The following METAP1D variants were observed in gnomAD, a reference collection of about 807,000 sequenced individuals.
The protein encoded by METAP1D is methionyl aminopeptidase type 1D, mitochondrial.
METAP1D carries 31 observed loss-of-function variants against 40.5 expected under a neutral mutation model. That is an observed-to-expected ratio of 0.77 (90% confidence interval 0.58 to 1.03). The LOEUF is 1.03. Among genes scored for constraint, METAP1D ranks in the 50% least tolerant of loss-of-function variants. The pLI, the probability that METAP1D is intolerant of heterozygous loss-of-function variation, is 0.00. For synonymous variants in METAP1D, 151 were observed against 146.4 expected (o/e 1.03, Z -0.22); for missense variants, 411 against 420.7 (o/e 0.98, Z 0.20).
At chr2:172,038,597 A>G (rs1198404908) in intron 1 of METAP1D, among the ~76,000 whole-genome samples, 5 of 152,250 alleles carry the variant, frequency 3.3e-5, no homozygotes, top group African/African-American at 9.6e-5. Flanking sequence ...CATTTGTTAC[A>G]TATGGGTTTT....
rs149133379 is a variant in METAP1D, at chr2:172,030,003, G to A, written c.40+29994G>A. Among the ~76,000 whole-genome samples, 24 of 152,136 alleles carry A rather than the reference G, an allele frequency of 1.6e-4. No individual in the cohort carries two copies. The East Asian group carries it at 3.7e-3, about 23-fold the overall frequency. ...ACTCCTGACTTCAAGTGATCCACCC[G>A]CCTGGGCCTCCCAAGGTGCTGGGAT... is the stretch of plus-strand genomic sequence containing the variant. On this transcript the variant is annotated intron_variant, in intron 1 of 9. Transcript: ENST00000315796.
In METAP1D at chr2:172,061,391, A is replaced by G. The variant is rs962987478; in HGVS notation, c.41-107A>G. 3 of 970,206 alleles carry G rather than the reference A, an allele frequency of 3.1e-6. No homozygotes were observed. The African/African-American group carries it at 4.9e-5, about 16-fold the overall frequency. 60.1% of individuals were successfully genotyped at this position (970,206 alleles called of 1,614,324 possible). Reference sequence around the variant, plus strand: ...ATTTGGGGCTTTTCCTTTTTCAGTCAATAAGGTATTAGAATAATGATTTAA... The same window carrying G: ...ATTTGGGGCTTTTCCTTTTTCAGTCGATAAGGTATTAGAATAATGATTTAA... On this transcript the variant is annotated intron_variant, in intron 1 of 9. Transcript: ENST00000315796.
intron 1 of METAP1D, among the ~76,000 whole-genome samples, chr2:172,015,772 C>G (rs1017244336): frequency 2.6e-5 from 4 of 152,026 alleles, no homozygotes; most frequent in African/African-American, 9.7e-5. Flanking sequence ...CTAGCCTGGG[C>G]AACATAGTGA....
At chr2:172,064,821 T>C (rs1270233638) in intron 3 of METAP1D, among the ~76,000 whole-genome samples, 2 of 152,078 alleles carry the variant, frequency 1.3e-5, no homozygotes, top group Non-Finnish European at 2.9e-5. Flanking sequence ...CTAAACATAA[T>C]GTATATATAC....
At position 172,081,673 on chromosome 2, in the gene METAP1D, A is replaced by C. The variant is rs891662311; in HGVS notation, c.*1267A>C. ...GCCTTCGGTTATGATTTTAGGAACAAGTCCAACGAGGGTGTTCAAGCAGTT... is the reference window on the plus strand; with the variant it reads ...GCCTTCGGTTATGATTTTAGGAACACGTCCAACGAGGGTGTTCAAGCAGTT... On this transcript the variant is annotated 3_prime_UTR_variant, in exon 10 of 10. Coordinates refer to ENST00000315796, the MANE Select transcript of METAP1D (RefSeq NM_199227.3). 3.3e-5 allele frequency: 5 copies of C among 152,296 alleles called. No individual in the cohort carries two copies. Among genetic ancestry groups the C allele is most frequent in the African/African-American group, 1.2e-4 (5 of 41,472 alleles). The allele number at this position is 152,296 out of a possible 1,614,324, so 9.4% of individuals were successfully genotyped here.
At chr2:172,077,915 G>A in intron 7 of METAP1D, 21 bp downstream of exon 7, 1 of 1,377,712 alleles carries the variant, frequency 7.3e-7, no homozygotes, top group South Asian at 1.2e-5. Context: ...TCATTTGGAG[G>A]CTGTTTCTTG....
At chr2:172,078,855 G>C (rs146377226) in intron 7 of METAP1D, among the ~76,000 whole-genome samples, 576 of 152,258 alleles carry the variant, frequency 3.8e-3, no homozygotes, top group Non-Finnish European at 6.1e-3. Context: ...TTGAGTGAGG[G>C]GTGTGGGCAA....
chr2:172,061,234 T>A (rs897333048), intron 1 of METAP1D, among the ~76,000 whole-genome samples: 5 of 152,202 alleles, frequency 3.3e-5, no homozygotes, highest in African/African-American at 1.2e-4. Context: ...GCTTAGCAGA[T>A]GTTTCTATAT....
At chr2:172,000,039 G>T (rs752345857) in intron 1 of METAP1D, 30 bp downstream of exon 1, 5 of 1,282,098 alleles carry the variant, frequency 3.9e-6, no homozygotes, top group Non-Finnish European at 5.0e-6. Flanking sequence ...CCCCGTGAGG[G>T]TTCGCACGGT....
At chr2:172,050,784 T>C (rs1689868800) in intron 1 of METAP1D, among the ~76,000 whole-genome samples, 1 of 152,226 alleles carries the variant, frequency 6.6e-6, no homozygotes, top group African/African-American at 2.4e-5. Flanking sequence ...TTATTCTGTG[T>C]TTAAATGATA....
At chr2:172,061,764 T>G (rs1019595602) in intron 2 of METAP1D, 109 bp downstream of exon 2, 1 of 968,134 alleles carries the variant, frequency 1.0e-6, no homozygotes, top group Non-Finnish European at 1.5e-6. Context: ...TGGGTTTTAA[T>G]TTTCAAACTA....
Position 172,042,963 on chromosome 2 carries a change from A to G in METAP1D, c.41-18535A>G, listed in dbSNP as rs146499154. 5.6e-3 allele frequency among the ~76,000 whole-genome samples: 719 copies of G among 127,494 alleles called. 162 individuals carry two copies. The highest frequency in any genetic ancestry group is 9.4e-3 in the Non-Finnish European group (513 of 54,750). The allele number at this position is 127,494 out of a possible 152,430, so 83.6% of individuals were successfully genotyped here. ...CACGTATGCGTACCTGTGTATATAT[A>G]TGCGTACATGTGCATACATATGTGT... is the stretch of plus-strand genomic sequence containing the variant. On this transcript the variant is annotated intron_variant, in intron 1 of 9. Coordinates refer to ENST00000315796, the MANE Select transcript of METAP1D (RefSeq NM_199227.3).
chr2:172,044,623 G>A (rs11885320), intron 1 of METAP1D, among the ~76,000 whole-genome samples: 79,241 of 130,626 alleles, frequency 0.61, 30,046 homozygotes, highest in African/African-American at 0.65. Flanking sequence ...GTCAGGTGAA[G>A]AGGCTGGGCG....
At chr2:172,016,301 ATAT>A (rs1282079231) in intron 1 of METAP1D, among the ~76,000 whole-genome samples, 56 of 33,982 alleles carry the variant, frequency 1.6e-3, no homozygotes, top group Non-Finnish European at 2.1e-3. Context: ...AAAAAAAAAA[ATAT>A]ATATATATAT....
chr2:172,080,812 A>G lies in METAP1D; in HGVS notation c.*406A>G, dbSNP rs898930556. The stretch of plus-strand genomic sequence containing the variant: ...CTCTGACAGTTACAGTGATCTTTGT[A>G]TCTGAACTTTGCACGTCTGCCGAAA... On this transcript the variant is annotated 3_prime_UTR_variant, in exon 10 of 10. Coordinates refer to ENST00000315796, the MANE Select transcript of METAP1D (RefSeq NM_199227.3). The G allele has an allele frequency of 1.3e-5, 3 of 229,082 alleles. No individual in the cohort carries two copies. The highest frequency in any genetic ancestry group is 5.2e-5 in the Admixed American group (1 of 19,324). The allele number at this position is 229,082 out of a possible 1,614,324, so 14.2% of individuals were successfully genotyped here.
chr2:172,035,319 C>T lies in METAP1D; in HGVS notation c.41-26179C>T, dbSNP rs1229107509. ...AGCTGGGACTGCAGGCGCCGGCCAC[C>T]ACGCCCGGCTAACTTTTTGTATTTT... On this transcript the variant is annotated intron_variant, in intron 1 of 9. Transcript: ENST00000315796. 5.3e-5 allele frequency among the ~76,000 whole-genome samples: 8 copies of T among 152,266 alleles called. No individual in the cohort carries two copies. In the East Asian group the frequency reaches 1.2e-3, roughly 22 times the overall value.
At chr2:172,028,752 T>C (rs983805239) in intron 1 of METAP1D, among the ~76,000 whole-genome samples, 3 of 152,186 alleles carry the variant, frequency 2.0e-5, no homozygotes, top group Non-Finnish European at 4.4e-5. Flanking sequence ...GAAGCTGTGA[T>C]GGAAAATTAG....
intron 3 of METAP1D, among the ~76,000 whole-genome samples, 177 bp from the exon 4 acceptor site, chr2:172,065,427 C>T (rs1690249353): frequency 6.6e-6 from 1 of 152,144 alleles, no homozygotes; most frequent in Non-Finnish European, 1.5e-5. Context: ...AATGATTGTC[C>T]ACAAGGCACA....
At chr2:172,078,097 C>A (rs922827411) in intron 7 of METAP1D, among the ~76,000 whole-genome samples, 3 of 152,068 alleles carry the variant, frequency 2.0e-5, no homozygotes, top group Non-Finnish European at 4.4e-5. Context: ...CCAGCTGTTT[C>A]AATCCCAAAA....
Sources: allele counts gnomAD v4.1 joint callset (sites outside exome capture counted in the v4.1 genomes callset), GRCh38; gene constraint gnomAD v4.1.1; transcripts MANE v1.5; gene names NCBI Gene and HGNC (gene_info 2026-07-23, HGNC 2026-07-21).